Variants in ST8SIA6 observed in about 807,000 individuals in gnomAD.
ST8SIA6 encodes the protein ST8 alpha-N-acetyl-neuraminide alpha-2,8-sialyltransferase 6.
In ST8SIA6, 39 loss-of-function variants were observed where a neutral mutation model predicts 33.6. That is an observed-to-expected ratio of 1.16 (90% CI 0.90 to 1.52). ST8SIA6 has a LOEUF of 1.52. Among genes scored for constraint, ST8SIA6 ranks in the 40% most tolerant of loss-of-function variants. The pLI, the probability that ST8SIA6 is intolerant of heterozygous loss-of-function variation, is 0.00. For missense variants in ST8SIA6, 441 were observed against 443.8 expected, an observed-to-expected ratio of 0.99 and a Z score of 0.06; for synonymous variants, 172 against 167.2, an observed-to-expected ratio of 1.03 and a Z score of -0.22.
intron 3 of ST8SIA6, among the ~76,000 whole-genome samples, chr10:17,372,604 A>G (rs1440405763): frequency 6.6e-6 from 1 of 152,234 alleles, no homozygotes; most frequent in African/African-American, 2.4e-5. Context: ...GAGTCGGCCC[A>G]CAGAAATGGT....
intron 4 of ST8SIA6, among the ~76,000 whole-genome samples, chr10:17,347,850 G>A (rs773516981): frequency 7.7e-5 from 11 of 143,712 alleles, no homozygotes; most frequent in Non-Finnish European, 1.5e-4. Flanking sequence ...CAGGAGAATC[G>A]GAGGCTGAGG....
intron 3 of ST8SIA6, among the ~76,000 whole-genome samples, chr10:17,383,945 T>C (rs116361142): frequency 0.01 from 1,571 of 152,342 alleles, 20 homozygotes; most frequent in African/African-American, 0.036. Flanking sequence ...CTAACTGATT[T>C]CTCTGGAATT....
intron 2 of ST8SIA6, among the ~76,000 whole-genome samples, chr10:17,412,500 A>C (rs1353478666): frequency 6.6e-6 from 1 of 152,184 alleles, no homozygotes; most frequent in Admixed American, 6.5e-5. Context: ...TGATCTAACA[A>C]GGCCATGCAC....
At chr10:17,333,689 AT>A (rs1848380042) in intron 4 of ST8SIA6, among the ~76,000 whole-genome samples, 1 of 13,384 alleles carries the variant, frequency 7.5e-5, no homozygotes, top group African/African-American at 3.5e-4. Context: ...ATATATATAT[AT>A]ATATATATAT....
chr10:17,347,095 G>A (rs998377533), intron 4 of ST8SIA6, among the ~76,000 whole-genome samples: 3 of 152,136 alleles, frequency 2.0e-5, no homozygotes, highest in African/African-American at 7.2e-5. Context: ...AACGGAAAGC[G>A]CCTTTACTTA....
intron 3 of ST8SIA6, among the ~76,000 whole-genome samples, chr10:17,375,999 T>G (rs755082409): frequency 1.4e-4 from 22 of 152,218 alleles, no homozygotes; most frequent in Non-Finnish European, 3.2e-4. Flanking sequence ...GCTCCCTTTC[T>G]GTAGTACACA....
intron 4 of ST8SIA6, among the ~76,000 whole-genome samples, chr10:17,353,928 C>T (rs1013002049): frequency 1.1e-4 from 17 of 152,052 alleles, no homozygotes; most frequent in Non-Finnish European, 2.1e-4. Context: ...GTGTGTATTT[C>T]GGGGTTGGGG....
intron 2 of ST8SIA6, among the ~76,000 whole-genome samples, chr10:17,449,653 T>C (rs3928773): frequency 0.27 from 41,779 of 152,152 alleles, 7,353 homozygotes; most frequent in African/African-American, 0.51. Flanking sequence ...ACACAGCTCC[T>C]TGAATTTCCC....
At position 17,405,971 on chromosome 10, in the gene ST8SIA6, T is replaced by C. The variant is rs74117647; in HGVS notation, c.201-15351A>G. Among the ~76,000 whole-genome samples, 1,323 of 152,186 alleles carry C rather than the reference T, an allele frequency of 8.7e-3. 16 individuals carry two copies. The highest frequency in any genetic ancestry group is 0.03 in the African/African-American group (1,239 of 41,514). ...TGCAAAATGAGAATAATCCTCTCTTTGATGAATTTGATGCAAAATCTGTAT... is the reference window on the plus strand; with the variant it reads ...TGCAAAATGAGAATAATCCTCTCTTCGATGAATTTGATGCAAAATCTGTAT... On this transcript the variant is annotated intron_variant, in intron 2 of 7. Transcript: ENST00000377602.
intron 6 of ST8SIA6, 97 bp from the exon 7 acceptor site, chr10:17,323,254 T>A (rs1361981539): frequency 3.9e-6 from 2 of 512,254 alleles, no homozygotes; most frequent in Non-Finnish European, 6.5e-6. Context: ...CACACACCTA[T>A]CTATAATAAT....
intron 2 of ST8SIA6, among the ~76,000 whole-genome samples, chr10:17,420,678 G>A (rs969913455): frequency 4.6e-5 from 7 of 152,122 alleles, no homozygotes; most frequent in South Asian, 2.1e-4. Flanking sequence ...GTCTGCTGAT[G>A]GCCCACACTG....
At chr10:17,378,609 C>G (rs868736951) in intron 3 of ST8SIA6, among the ~76,000 whole-genome samples, 44 of 152,192 alleles carry the variant, frequency 2.9e-4, no homozygotes, top group African/African-American at 1.0e-3. Flanking sequence ...GTGTAACACC[C>G]GCATACCCAA....
At chr10:17,343,236 GGTT>G (rs1848730921) in intron 4 of ST8SIA6, among the ~76,000 whole-genome samples, 1 of 152,032 alleles carries the variant, frequency 6.6e-6, no homozygotes, top group African/African-American at 2.4e-5. Context: ...GGTGAACAAC[GGTT>G]GTTAACTATG....
At position 17,321,236 on chromosome 10, in the gene ST8SIA6, G is replaced by A. The variant is rs1847936193; in HGVS notation, c.839C>T (p.Ser280Phe). The change falls in exon 8 of 8, where the codon TCT (serine) becomes TTT (phenylalanine). Residue 280 changes from serine to phenylalanine, a missense_variant. Ser to Phe is a radical substitution (Grantham distance 155, BLOSUM62 -2). Transcript: ENST00000377602. ...AFSFRANTGT[S>F]FKVYYTLEES... ...TTCGAGCGTGTAGTATACTTTGAAAGAGGTACCCGTGTTGGCCCTGAAGGA... is the reference window on the plus strand; with the variant it reads ...TTCGAGCGTGTAGTATACTTTGAAAAAGGTACCCGTGTTGGCCCTGAAGGA... 2 of 1,613,908 alleles carry A rather than the reference G, an allele frequency of 1.2e-6. No homozygotes were observed. Among genetic ancestry groups the A allele is most frequent in the South Asian group, 1.1e-5 (1 of 91,078 alleles).
chr10:17,428,514 G>A (rs569070247), intron 2 of ST8SIA6, among the ~76,000 whole-genome samples: 1 of 152,192 alleles, frequency 6.6e-6, no homozygotes, highest in East Asian at 1.9e-4. Context: ...GCGTCATACT[G>A]ACCTATGTGG....
intron 2 of ST8SIA6, among the ~76,000 whole-genome samples, chr10:17,439,578 G>A (rs746391442): frequency 2.0e-5 from 3 of 152,216 alleles, no homozygotes; most frequent in Non-Finnish European, 4.4e-5. Flanking sequence ...ACCATGTCCA[G>A]CATATGTTTA....
intron 4 of ST8SIA6, among the ~76,000 whole-genome samples, chr10:17,348,887 C>G (rs753189656): frequency 1.3e-5 from 2 of 151,066 alleles, no homozygotes; most frequent in African/African-American, 4.8e-5. Context: ...TAGCCCTAGT[C>G]AAGGGCTAAG....
chr10:17,331,973 G>A (rs1023691845), intron 4 of ST8SIA6, among the ~76,000 whole-genome samples: 1 of 152,108 alleles, frequency 6.6e-6, no homozygotes, highest in Non-Finnish European at 1.5e-5. Context: ...ACCAGTGTGA[G>A]ATGTTCCCCT....
chr10:17,453,489 G>T, intron 2 of ST8SIA6, 70 bp downstream of exon 2: 3 of 1,184,718 alleles, frequency 2.5e-6, no homozygotes, highest in Non-Finnish European at 3.2e-6. Context: ...GTCCAAGCCG[G>T]TGCAGCCGCG....
Sources: allele counts gnomAD v4.1 joint callset (sites outside exome capture counted in the v4.1 genomes callset), GRCh38; gene constraint gnomAD v4.1.1; transcripts MANE v1.5; gene names NCBI Gene and HGNC (gene_info 2026-07-23, HGNC 2026-07-21).